MACROD2: variants seen among roughly 807,000 people sequenced by gnomAD.
MACROD2 encodes ADP-ribose glycohydrolase MACROD2.
Under a neutral mutation model 70.4 loss-of-function variants are expected in MACROD2, and 36 were observed. The observed-to-expected ratio is 0.51, with a 90% confidence interval of 0.39 to 0.68. The LOEUF (loss-of-function observed/expected upper bound fraction) is 0.68. MACROD2 is among the 30% of genes least tolerant of loss of function. The pLI is 0.00. For synonymous variants in MACROD2, 172 were observed against 178.8 expected (o/e 0.96, Z 0.30); for missense variants, 496 against 538.4 (o/e 0.92, Z 0.78).
At chr20:15,795,400 A>C (rs530813552) in intron 8 of MACROD2, among the ~76,000 whole-genome samples, 3 of 152,224 alleles carry the variant, frequency 2.0e-5, no homozygotes, top group African/African-American at 7.2e-5. Flanking sequence ...GAAAGGCATC[A>C]AAGAGAAGAC....
intron 3 of MACROD2, among the ~76,000 whole-genome samples, chr20:14,359,873 G>A (rs143716714): frequency 2.6e-5 from 4 of 151,946 alleles, no homozygotes; most frequent in Middle Eastern, 3.4e-3. Context: ...AACAAAGAAG[G>A]GTAAAGAAAA....
At chr20:14,670,553 T>A (rs1407497577) in intron 4 of MACROD2, among the ~76,000 whole-genome samples, 1 of 152,180 alleles carries the variant, frequency 6.6e-6, no homozygotes, top group Non-Finnish European at 1.5e-5. Context: ...ACTTCTGTAA[T>A]GACCAAAGAG....
At position 14,683,010 on chromosome 20, in the gene MACROD2, G is replaced by A. The variant is rs111625838; in HGVS notation, c.302-1833G>A. ...TTCTCCTGCCTCAGCCTCCTGAGTA[G>A]CCAGGATTACAGGCATGCACCACCA... On this transcript the variant is annotated intron_variant, in intron 4 of 17. Coordinates refer to ENST00000684519, the MANE Select transcript of MACROD2 (RefSeq NM_001351661.2). 6.5e-3 allele frequency among the ~76,000 whole-genome samples: 996 copies of A among 152,132 alleles called. 7 individuals carry two copies. Among genetic ancestry groups the A allele is most frequent in the African/African-American group, 0.023 (942 of 41,518 alleles).
chr20:15,940,123 C>T (rs1031317929), intron 12 of MACROD2, among the ~76,000 whole-genome samples: 8 of 152,106 alleles, frequency 5.3e-5, no homozygotes, highest in African/African-American at 1.9e-4. Context: ...GATGGAGTTT[C>T]ACTCTTGTTG....
intron 5 of MACROD2, among the ~76,000 whole-genome samples, chr20:14,692,551 T>C (rs541413363): frequency 7.2e-5 from 11 of 152,306 alleles, no homozygotes; most frequent in Admixed American, 2.0e-4. Flanking sequence ...TTGATACATA[T>C]TTACTGGAGG....
chr20:14,048,937 C>T (rs1311549860), intron 2 of MACROD2, among the ~76,000 whole-genome samples: 8 of 152,000 alleles, frequency 5.3e-5, no homozygotes, highest in Non-Finnish European at 8.8e-5. Context: ...AGCTGTCCTA[C>T]AGCAAGTGGG....
intron 5 of MACROD2, among the ~76,000 whole-genome samples, chr20:14,804,546 C>G (rs1172348300): frequency 6.6e-6 from 1 of 151,862 alleles, no homozygotes; most frequent in Non-Finnish European, 1.5e-5. Flanking sequence ...CAGTGAAGTG[C>G]CAAAGAAAAA....
chr20:15,641,590 CAAAAAT>C (rs2049461104), intron 8 of MACROD2, among the ~76,000 whole-genome samples: 1 of 152,008 alleles, frequency 6.6e-6, no homozygotes, highest in Non-Finnish European at 1.5e-5. Context: ...GATGTACAGA[CAAAAAT>C]AAAAACAGGG....
intron 8 of MACROD2, among the ~76,000 whole-genome samples, chr20:15,657,907 C>G (rs561428616): frequency 6.6e-6 from 1 of 152,132 alleles, no homozygotes; most frequent in Non-Finnish European, 1.5e-5. Context: ...GCAGGAGAAT[C>G]GCTTGAACCC....
intron 5 of MACROD2, among the ~76,000 whole-genome samples, chr20:15,227,041 C>T (rs2076912675): frequency 6.6e-6 from 1 of 152,088 alleles, no homozygotes; most frequent in Admixed American, 6.5e-5. Flanking sequence ...GATTCACCTC[C>T]AGCTTTGTGG....
intron 5 of MACROD2, among the ~76,000 whole-genome samples, chr20:15,195,750 A>C (rs1175671647): frequency 4.6e-5 from 7 of 152,200 alleles, no homozygotes; most frequent in Admixed American, 6.5e-5. Flanking sequence ...AAAGGAATGT[A>C]AATTATTCTA....
chr20:15,386,783 C>T (rs1336145821), intron 6 of MACROD2, among the ~76,000 whole-genome samples: 1 of 152,128 alleles, frequency 6.6e-6, no homozygotes, highest in African/African-American at 2.4e-5. Flanking sequence ...GGCATATTGA[C>T]CAAATCATTA....
chr20:15,276,355 G>A (rs1483622111), intron 6 of MACROD2, among the ~76,000 whole-genome samples: 1 of 140,524 alleles, frequency 7.1e-6, no homozygotes, highest in Non-Finnish European at 1.5e-5. Context: ...AGCCGAGATT[G>A]TGCCACTGCA....
At chr20:15,899,217 CATATATGTATATAT>C (rs990999343) in intron 10 of MACROD2, among the ~76,000 whole-genome samples, 3 of 151,680 alleles carry the variant, frequency 2.0e-5, no homozygotes, top group African/African-American at 7.3e-5. Context: ...ATCACACAGA[CATATATGTATATAT>C]GTATATGTGT....
intron 9 of MACROD2, among the ~76,000 whole-genome samples, chr20:15,872,265 T>A (rs1231039213): frequency 1.3e-5 from 2 of 152,182 alleles, no homozygotes; most frequent in Non-Finnish European, 2.9e-5. Context: ...TTTCCAAGAA[T>A]AATAATGAAG....
chr20:14,064,621 T>A (rs571675028), intron 2 of MACROD2, among the ~76,000 whole-genome samples: 3 of 152,188 alleles, frequency 2.0e-5, no homozygotes, highest in Non-Finnish European at 4.4e-5. Flanking sequence ...TTTTTCTATC[T>A]CCATTGCCAC....
chr20:15,149,189 T>G (rs1218720300), intron 5 of MACROD2, among the ~76,000 whole-genome samples: 1 of 151,930 alleles, frequency 6.6e-6, no homozygotes. Flanking sequence ...GGGGCCTGAA[T>G]AATCCCTGAG....
At chr20:15,712,302 T>C (rs1213758942) in intron 8 of MACROD2, among the ~76,000 whole-genome samples, 1 of 152,200 alleles carries the variant, frequency 6.6e-6, no homozygotes, top group African/African-American at 2.4e-5. Context: ...AAAACTTTAT[T>C]CACAAAAACA....
At chr20:14,692,226 C>T (rs974000714) in intron 5 of MACROD2, among the ~76,000 whole-genome samples, 9 of 152,162 alleles carry the variant, frequency 5.9e-5, no homozygotes, top group Admixed American at 5.2e-4. Context: ...AACTCTATTG[C>T]GTGCTCAAGT....
Sources: allele counts gnomAD v4.1 joint callset (sites outside exome capture counted in the v4.1 genomes callset), GRCh38; gene constraint gnomAD v4.1.1; transcripts MANE v1.5; gene names NCBI Gene and HGNC (gene_info 2026-07-23, HGNC 2026-07-21).